CHD6: variants seen among roughly 807,000 people sequenced by gnomAD.
CHD6 encodes the protein ATP-dependent chromatin remodeler CHD6.
Under a neutral mutation model 276.9 loss-of-function variants are expected in CHD6, and 50 were observed. The observed-to-expected ratio is 0.18, with a 90% confidence interval of 0.14 to 0.23. CHD6 has a LOEUF of 0.23. CHD6 is among the 10% of genes least tolerant of loss of function. The probability of loss-of-function intolerance (pLI) is 1.00; values close to 1 mark genes in which losing one functional copy is unlikely to be tolerated. For missense variants in CHD6, 2,564 were observed against 3,365.8 expected (o/e 0.76, Z 5.89); for synonymous variants, 1,173 against 1,229.3 (o/e 0.95, Z 0.96).
At chr20:41,607,268 G>A (rs914472605) in intron 1 of CHD6, among the ~76,000 whole-genome samples, 12 of 152,146 alleles carry the variant, frequency 7.9e-5, no homozygotes, top group African/African-American at 2.9e-4. Flanking sequence ...CCTTTCAAAA[G>A]CCTTAACCTA....
intron 3 of CHD6, among the ~76,000 whole-genome samples, chr20:41,523,953 T>C (rs572281335): frequency 1.1e-4 from 16 of 152,324 alleles, no homozygotes; most frequent in African/African-American, 3.4e-4. Flanking sequence ...TAAAACCTTA[T>C]AAAATATCCA....
intron 1 of CHD6, among the ~76,000 whole-genome samples, chr20:41,617,922 C>T (rs1452168600): frequency 6.8e-6 from 1 of 147,256 alleles, no homozygotes; most frequent in Non-Finnish European, 1.5e-5. Flanking sequence ...CGCGGCTGGG[C>T]CCGGGGGTCC....
At chr20:41,527,168 T>C (rs1255931257) in intron 3 of CHD6, among the ~76,000 whole-genome samples, 3 of 152,216 alleles carry the variant, frequency 2.0e-5, no homozygotes, top group Non-Finnish European at 4.4e-5. Context: ...CTGGGCACCA[T>C]GGCTCATGCC....
In CHD6 at chr20:41,404,251, A is replaced by T; in HGVS notation, c.*342T>A. ...ACCCTTCAATGGTAAAACCCTAGAC[A>T]GCTTTCTTTTGCCATTTTTCCTCCT... is the stretch of plus-strand genomic sequence containing the variant. On this transcript the variant is annotated 3_prime_UTR_variant, in exon 37 of 37. Transcript: ENST00000373233. 1 of 1,085,984 alleles carries T rather than the reference A, an allele frequency of 9.2e-7. No homozygotes were observed. Among genetic ancestry groups the T allele is most frequent in the Non-Finnish European group, 1.1e-6 (1 of 894,176 alleles). The allele number at this position is 1,085,984 out of a possible 1,614,324, so 67.3% of individuals were successfully genotyped here. A position where few individuals can be genotyped will look rare whatever the true frequency, so the allele number is the denominator to read the frequency against.
intron 3 of CHD6, among the ~76,000 whole-genome samples, chr20:41,530,382 G>GTAA (rs2044654365): frequency 6.6e-6 from 1 of 152,162 alleles, no homozygotes; most frequent in African/African-American, 2.4e-5. Flanking sequence ...CCAGAAGCCC[G>GTAA]TAAATCAGTT....
chr20:41,551,235 G>A (rs1396393656), intron 2 of CHD6, 70 bp downstream of exon 2: 3 of 988,822 alleles, frequency 3.0e-6, no homozygotes, highest in Non-Finnish European at 4.8e-6. Flanking sequence ...AACACTGCCA[G>A]TGTCTCCCCT....
At chr20:41,615,070 T>TA (rs1298965608) in intron 1 of CHD6, among the ~76,000 whole-genome samples, 4 of 152,216 alleles carry the variant, frequency 2.6e-5, no homozygotes, top group Middle Eastern at 3.4e-3. Flanking sequence ...CTTGAGCTTT[T>TA]AAAAAAAATC....
rs112937997 is a variant in CHD6, at chr20:41,499,684, T to C, written c.853-327A>G. On this transcript the variant is annotated intron_variant, in intron 5 of 36. Coordinates refer to ENST00000373233, the MANE Select transcript of CHD6 (RefSeq NM_032221.5). Reference sequence around the variant, plus strand: ...ACTACCTACATGTTGCTGCATACAATTTTCAGAAAGCTCTAAGAGTATGGG... The same window carrying C: ...ACTACCTACATGTTGCTGCATACAACTTTCAGAAAGCTCTAAGAGTATGGG... Among the ~76,000 whole-genome samples the C allele has an allele frequency of 1.1e-4, 16 of 152,322 alleles. 3 individuals carry two copies. Among genetic ancestry groups the C allele is most frequent in the African/African-American group, 3.4e-4 (14 of 41,578 alleles).
chr20:41,591,170 T>A (rs1362160579), intron 1 of CHD6, among the ~76,000 whole-genome samples: 6 of 131,814 alleles, frequency 4.6e-5, no homozygotes, highest in East Asian at 2.2e-4. Flanking sequence ...ATGAGAACAC[T>A]TGGACACAGG....
intron 1 of CHD6, among the ~76,000 whole-genome samples, chr20:41,590,603 G>GA (rs1406706909): frequency 3.9e-5 from 6 of 152,306 alleles, no homozygotes; most frequent in African/African-American, 1.4e-4. Flanking sequence ...AAAGACTCAT[G>GA]AAAAAATGCT....
intron 8 of CHD6, among the ~76,000 whole-genome samples, chr20:41,495,666 T>C (rs570006846): frequency 9.8e-5 from 15 of 152,346 alleles, no homozygotes; most frequent in African/African-American, 2.4e-4. Flanking sequence ...TGTGAGGTGA[T>C]GGATATGCTC....
intron 1 of CHD6, among the ~76,000 whole-genome samples, chr20:41,607,566 A>G (rs981501542): frequency 7.9e-5 from 12 of 152,200 alleles, no homozygotes; most frequent in Admixed American, 3.3e-4. Flanking sequence ...GAAATGCCCA[A>G]TTAGTTACAG....
At chr20:41,590,908 C>G (rs539396407) in intron 1 of CHD6, among the ~76,000 whole-genome samples, 8 of 151,562 alleles carry the variant, frequency 5.3e-5, no homozygotes, top group Non-Finnish European at 1.2e-4. Context: ...GACACATGCA[C>G]ACGTATGTTT....
At position 41,425,533 on chromosome 20, in the gene CHD6, G is replaced by C. The variant is rs1177539011; in HGVS notation, c.4130-139C>G. ...GTTACTGTTTTAATAATTGGCCCAGGAGCAAGGCATGACTGGAAGGGCTGC... is the reference window on the plus strand; with the variant it reads ...GTTACTGTTTTAATAATTGGCCCAGCAGCAAGGCATGACTGGAAGGGCTGC... On this transcript the variant is annotated intron_variant, in intron 28 of 36. Transcript: ENST00000373233. 4 of 873,652 alleles carry C rather than the reference G, an allele frequency of 4.6e-6. No individual in the cohort carries two copies. The East Asian group carries it at 1.1e-4, about 23-fold the overall frequency. 54.1% of individuals were successfully genotyped at this position (873,652 alleles called of 1,614,324 possible).
At position 41,402,927 on chromosome 20, in the gene CHD6, G is replaced by T; in HGVS notation, c.*1666C>A. The T allele has an allele frequency of 4.8e-6, 1 of 206,488 alleles. No homozygotes were observed. Among genetic ancestry groups the T allele is most frequent in the Non-Finnish European group, 9.9e-6 (1 of 100,866 alleles). 12.8% of individuals were successfully genotyped at this position (206,488 alleles called of 1,614,324 possible). The stretch of plus-strand genomic sequence containing the variant: ...GATTCTTCTTCTATGATCAGTTATA[G>T]AATTTCTGGTTTATATCTCTGATTC... On this transcript the variant is annotated 3_prime_UTR_variant, in exon 37 of 37. Coordinates refer to ENST00000373233, the MANE Select transcript of CHD6 (RefSeq NM_032221.5).
intron 3 of CHD6, among the ~76,000 whole-genome samples, chr20:41,515,502 A>C (rs1239475157): frequency 6.6e-6 from 1 of 152,196 alleles, no homozygotes; most frequent in Non-Finnish European, 1.5e-5. Flanking sequence ...AGAGAGGTAG[A>C]GATGGGCCAA....
At chr20:41,574,844 G>T (rs149605356) in intron 1 of CHD6, among the ~76,000 whole-genome samples, 71 of 152,240 alleles carry the variant, frequency 4.7e-4, no homozygotes, top group Admixed American at 8.5e-4. Context: ...ACCTAAGGCC[G>T]ATTCACGCCT....
At chr20:41,494,267 C>T (rs1243408716) in intron 8 of CHD6, among the ~76,000 whole-genome samples, 2 of 152,126 alleles carry the variant, frequency 1.3e-5, no homozygotes, top group Non-Finnish European at 1.5e-5. Flanking sequence ...CAGCCCTTGG[C>T]AACTAGGAAT....
chr20:41,533,291 C>G lies in CHD6; in HGVS notation c.313G>C (p.Glu105Gln), dbSNP rs138284433. Residue 105 changes from glutamate (E) to glutamine (Q), a missense_variant, in exon 3 of 37, where the codon GAG becomes CAG. By Grantham distance (29) the Glu-to-Gln change is conservative (BLOSUM62 2). Coordinates refer to ENST00000373233, the MANE Select transcript of CHD6 (RefSeq NM_032221.5). ...KRKKKEPGDQEGAAKGSKDRE... is the reference protein window; with the variant it reads ...KRKKKEPGDQQGAAKGSKDRE... ...TCCTTGCTTCCCTTTGCTGCACCCTCTTGGTCTCCTGGCTCCTTTTTCTTC... is the reference window on the plus strand; with the variant it reads ...TCCTTGCTTCCCTTTGCTGCACCCTGTTGGTCTCCTGGCTCCTTTTTCTTC... The G allele has an allele frequency of 1.2e-4, 193 of 1,613,978 alleles. No individual in the cohort carries two copies. The highest frequency in any genetic ancestry group is 1.9e-5 in the Non-Finnish European group (23 of 1,180,020).
Sources: allele counts gnomAD v4.1 joint callset (sites outside exome capture counted in the v4.1 genomes callset), GRCh38; gene constraint gnomAD v4.1.1; transcripts MANE v1.5; gene names NCBI Gene and HGNC (gene_info 2026-07-23, HGNC 2026-07-21).